Variants in DOCK8 observed in about 807,000 individuals in gnomAD.
DOCK8 encodes dedicator of cytokinesis 8.
In DOCK8, 141 loss-of-function variants were observed where a neutral mutation model predicts 245.6. That is an observed-to-expected ratio of 0.57 (90% CI 0.50 to 0.66). The LOEUF is 0.66. DOCK8 is among the 30% of genes least tolerant of loss of function. The pLI is 0.00. For synonymous variants in DOCK8, 1,168 were observed against 970.2 expected (o/e 1.20, Z -3.79); for missense variants, 2,965 against 2,603.4 (o/e 1.14, Z -3.02).
chr9:352,174 G>A (rs537237434), intron 14 of DOCK8, among the ~76,000 whole-genome samples: 1 of 152,234 alleles, frequency 6.6e-6, no homozygotes, highest in South Asian at 2.1e-4. Context: ...ATAGCTGCCT[G>A]CAAAGCTGGA....
chr9:257,531 G>GT (rs949574664), intron 1 of DOCK8, among the ~76,000 whole-genome samples: 1 of 152,076 alleles, frequency 6.6e-6, no homozygotes, highest in Non-Finnish European at 1.5e-5. Context: ...TTTTGGTTTT[G>GT]TTTTTTTGAG....
chr9:347,705 T>A (rs2051968336), intron 14 of DOCK8, among the ~76,000 whole-genome samples: 3 of 152,164 alleles, frequency 2.0e-5, no homozygotes, highest in African/African-American at 7.2e-5. Flanking sequence ...CAAAGTGAAT[T>A]TCTGGTGCTA....
chr9:377,148 CA>C lies in DOCK8; in HGVS notation c.2378del (p.His793ProfsTer45). 4 of 1,607,020 alleles carry C rather than the reference CA, an allele frequency of 2.5e-6. No homozygotes were observed. Among genetic ancestry groups the C allele is most frequent in the Non-Finnish European group, 3.4e-6 (4 of 1,179,730 alleles). On this transcript the variant is annotated frameshift_variant, in exon 20 of 48. Transcript: ENST00000432829. LOFTEE classifies it high-confidence loss of function. ...SRLEPLVLFL[H>X]LVLDKLFQLS... The stretch of plus-strand genomic sequence containing the variant: ...CCTGGAGCCGCTCGTGCTCTTCCTG[CA>C]CCTGGTGCTGGACAAGCTCTTCCAG...
intron 14 of DOCK8, among the ~76,000 whole-genome samples, chr9:364,189 G>A (rs2052867901): frequency 6.6e-6 from 1 of 152,124 alleles, no homozygotes; most frequent in Non-Finnish European, 1.5e-5. Flanking sequence ...GAGGAGACCA[G>A]TATATATTAT....
chr9:418,939 A>AAG (rs1345554991), intron 30 of DOCK8, among the ~76,000 whole-genome samples: 5 of 141,672 alleles, frequency 3.5e-5, no homozygotes, highest in African/African-American at 1.5e-4. Context: ...CTTCTTAAAC[A>AAG]AGACTGCAGC....
chr9:432,642 G>A (rs2056759871), intron 37 of DOCK8, among the ~76,000 whole-genome samples: 2 of 152,162 alleles, frequency 1.3e-5, no homozygotes, highest in Admixed American at 6.5e-5. Context: ...GTTAGAGGAA[G>A]AGAGGTCGTG....
intron 26 of DOCK8, among the ~76,000 whole-genome samples, chr9:400,869 T>TCAC (rs1181815515): frequency 3.8e-5 from 1 of 26,174 alleles, no homozygotes; most frequent in Non-Finnish European, 5.8e-5. Flanking sequence ...TCCTCCACCA[T>TCAC]CACCACCACC....
At chr9:389,866 AAAG>A (rs2054109461) in intron 23 of DOCK8, among the ~76,000 whole-genome samples, 1 of 152,060 alleles carries the variant, frequency 6.6e-6, no homozygotes, top group Admixed American at 6.6e-5. Flanking sequence ...AAAAAAGAAA[AAAG>A]AAAAAACTAG....
At position 377,000 on chromosome 9, in the gene DOCK8, C is replaced by T. The variant is rs754633797; in HGVS notation, c.2229C>T (p.Phe743=). The T allele has an allele frequency of 8.1e-6, 13 of 1,613,966 alleles. No homozygotes were observed. In the African/African-American group the frequency reaches 1.6e-4, roughly 20 times the overall value. ...AGGACAACCACCTGGAGAAGTTCTT[C>T]ACCCTCTGCCACTCCCTGGAGAGCC... The part of the protein sequence containing the change: ...HTQDNHLEKF[F]TLCHSLESQV... The change falls in exon 20 of 48, where the codon TTC becomes TTT. Residue 743 remains phenylalanine (F), a synonymous_variant. Coordinates refer to ENST00000432829, the MANE Select transcript of DOCK8 (RefSeq NM_203447.4).
intron 1 of DOCK8, among the ~76,000 whole-genome samples, chr9:221,787 A>G (rs2046888713): frequency 6.6e-6 from 1 of 151,630 alleles, no homozygotes; most frequent in Non-Finnish European, 1.5e-5. Flanking sequence ...GCACCACTGC[A>G]CTCCAGCCTG....
chr9:329,074 C>T (rs547410394), intron 9 of DOCK8, among the ~76,000 whole-genome samples: 4 of 151,306 alleles, frequency 2.6e-5, no homozygotes, highest in East Asian at 1.9e-4. Context: ...CTCAGCCTCC[C>T]GAGTAGCTGG....
At chr9:362,648 G>A (rs1447556919) in intron 14 of DOCK8, among the ~76,000 whole-genome samples, 1 of 152,188 alleles carries the variant, frequency 6.6e-6, no homozygotes, top group Non-Finnish European at 1.5e-5. Flanking sequence ...CTCAGCTAAA[G>A]AGGTGTTCAA....
intron 24 of DOCK8, among the ~76,000 whole-genome samples, chr9:394,583 C>T (rs879438088): frequency 3.3e-5 from 5 of 152,230 alleles, no homozygotes; most frequent in South Asian, 2.1e-4. Context: ...AATGCTTGGG[C>T]GACTTTCACA....
intron 39 of DOCK8, 83 bp downstream of exon 39, chr9:435,058 A>T (rs549934595): frequency 1.9e-4 from 294 of 1,520,768 alleles, no homozygotes; most frequent in Non-Finnish European, 2.5e-4. Flanking sequence ...ACATTTGGCA[A>T]TGTCTAGATA....
intron 14 of DOCK8, among the ~76,000 whole-genome samples, chr9:361,852 T>C (rs560261915): frequency 3.6e-4 from 55 of 152,334 alleles, no homozygotes; most frequent in Middle Eastern, 3.4e-3. Flanking sequence ...ATTTTCTAGC[T>C]GCTAACCTTC....
chr9:217,565 A>G (rs987827319), intron 1 of DOCK8, among the ~76,000 whole-genome samples: 2 of 152,214 alleles, frequency 1.3e-5, no homozygotes, highest in Admixed American at 1.3e-4. Flanking sequence ...GTATTCTTAG[A>G]GTTCTGTTTT....
chr9:220,789 C>G (rs760627899), intron 1 of DOCK8: 1 of 372,428 alleles, frequency 2.7e-6, no homozygotes. Context: ...GGGGCCATCT[C>G]GGCTCACTGC....
intron 4 of DOCK8, among the ~76,000 whole-genome samples, chr9:293,327 C>T (rs548039151): frequency 1.3e-5 from 2 of 152,358 alleles, no homozygotes; most frequent in Admixed American, 6.5e-5. Flanking sequence ...CGTATTTTAT[C>T]TGTGGGGAGA....
Position 418,187 on chromosome 9 carries a change from G to A in DOCK8, c.3820G>A (p.Gly1274Arg), listed in dbSNP as rs1356036160. 3.7e-6 allele frequency: 6 copies of A among 1,614,194 alleles called. No homozygotes were observed. The highest frequency in any genetic ancestry group is 3.4e-6 in the Non-Finnish European group (4 of 1,180,016). Residue 1274 changes from glycine to arginine, a missense_variant, in exon 30 of 48, where the codon GGA (glycine) becomes AGA (arginine). By Grantham distance (125) the Gly-to-Arg change is moderately radical. Coordinates refer to ENST00000432829, the MANE Select transcript of DOCK8 (RefSeq NM_203447.4). Reference protein sequence around the residue: ...AGNNFNLKTSGIVLSSLPYKQ... With the variant: ...AGNNFNLKTSRIVLSSLPYKQ... ...GAATAATTTCAATTTGAAAACAAGT[G>A]GAATAGTGCTGTCTTCCTTGGTATG...
Sources: gnomAD v4.1 joint callset for allele counts (sites outside exome capture counted in the v4.1 genomes callset) on GRCh38, gnomAD v4.1.1 for gene constraint, MANE v1.5 for transcripts, NCBI Gene and HGNC (gene_info 2026-07-23, HGNC 2026-07-21) for gene names.